GRIA1: variants seen among roughly 807,000 people sequenced by gnomAD.
GRIA1 encodes the protein glutamate ionotropic receptor AMPA type subunit 1, also known as glutamate receptor 1.
A neutral mutation model predicts 99.2 loss-of-function variants in GRIA1; 31 were observed. The observed-to-expected ratio is 0.31, with a 90% confidence interval of 0.23 to 0.42. The LOEUF is 0.42. Ranked by LOEUF, GRIA1 falls within the 10% of genes least tolerant of loss-of-function variation. GRIA1 has a pLI of 1.00. For missense variants in GRIA1, 782 were observed against 1,157.5 expected, an observed-to-expected ratio of 0.68 and a Z score of 4.71; for synonymous variants, 438 against 432.4, an observed-to-expected ratio of 1.01 and a Z score of -0.16.
At chr5:153,748,105 T>A (rs1762275515) in intron 11 of GRIA1, among the ~76,000 whole-genome samples, 2 of 152,134 alleles carry the variant, frequency 1.3e-5, no homozygotes, top group Non-Finnish European at 2.9e-5. Flanking sequence ...GATAGATAGA[T>A]AATAAATGAA....
intron 2 of GRIA1, among the ~76,000 whole-genome samples, chr5:153,511,665 G>A (rs1273588714): frequency 2.0e-5 from 3 of 152,156 alleles, no homozygotes; most frequent in African/African-American, 7.2e-5. Context: ...AAGGCTGAGA[G>A]CATACACAGG....
intron 2 of GRIA1, among the ~76,000 whole-genome samples, chr5:153,629,003 T>G (rs1752730774): frequency 6.6e-6 from 1 of 152,182 alleles, no homozygotes; most frequent in Non-Finnish European, 1.5e-5. Context: ...GCCAAATCTT[T>G]TGTTTTACCA....
chr5:153,770,123 A>T, intron 12 of GRIA1, 45 bp from the exon 13 acceptor site: 2 of 1,604,518 alleles, frequency 1.2e-6, no homozygotes, highest in South Asian at 1.1e-5. Context: ...CACCGACCCC[A>T]ATTCCAAGCG....
intron 2 of GRIA1, among the ~76,000 whole-genome samples, chr5:153,501,046 T>A (rs1754966928): frequency 1.3e-5 from 2 of 152,200 alleles, no homozygotes; most frequent in Admixed American, 1.3e-4. Context: ...GTTCTCTACC[T>A]TTGGCTAGCA....
At chr5:153,586,307 G>T (rs557776121) in intron 2 of GRIA1, among the ~76,000 whole-genome samples, 1 of 152,292 alleles carries the variant, frequency 6.6e-6, no homozygotes, top group East Asian at 1.9e-4. Flanking sequence ...AAATAACTGT[G>T]GAATGAATTA....
intron 1 of GRIA1, chr5:153,492,126 T>TG: frequency 7.1e-7 from 1 of 1,416,064 alleles, no homozygotes; most frequent in Non-Finnish European, 9.3e-7. Flanking sequence ...TTCGCATTGC[T>TG]GGGAGTTTGT....
chr5:153,578,712 GC>G (rs1457875996), intron 2 of GRIA1, among the ~76,000 whole-genome samples: 2 of 152,170 alleles, frequency 1.3e-5, no homozygotes, highest in African/African-American at 4.8e-5. Flanking sequence ...TTCGAGACCA[GC>G]CTGGCCAGCA....
chr5:153,687,925 T>C (rs950272266), intron 8 of GRIA1, among the ~76,000 whole-genome samples: 7 of 152,266 alleles, frequency 4.6e-5, no homozygotes, highest in Non-Finnish European at 8.8e-5. Flanking sequence ...GAAGTCTGAC[T>C]TGAGTTTCAC....
chr5:153,755,866 G>A (rs1490712728), intron 11 of GRIA1, among the ~76,000 whole-genome samples: 1 of 152,142 alleles, frequency 6.6e-6, no homozygotes, highest in African/African-American at 2.4e-5. Flanking sequence ...TAAGAGTGTA[G>A]AACAGCACCC....
At chr5:153,675,438 T>C (rs995189567) in intron 6 of GRIA1, among the ~76,000 whole-genome samples, 1 of 152,188 alleles carries the variant, frequency 6.6e-6, no homozygotes, top group African/African-American at 2.4e-5. Flanking sequence ...GCCACCAAAA[T>C]CTATTTTGTT....
intron 12 of GRIA1, among the ~76,000 whole-genome samples, chr5:153,765,006 T>C (rs994684191): frequency 1.3e-5 from 2 of 152,166 alleles, no homozygotes; most frequent in East Asian, 3.8e-4. Context: ...ATGCTCTTTG[T>C]GTCCCCTCCT....
At chr5:153,652,553 T>A (rs1754652337) in intron 4 of GRIA1, among the ~76,000 whole-genome samples, 1 of 152,238 alleles carries the variant, frequency 6.6e-6, no homozygotes, top group Non-Finnish European at 1.5e-5. Flanking sequence ...GCCTAGCTTC[T>A]TAAAAATGCA....
intron 11 of GRIA1, among the ~76,000 whole-genome samples, chr5:153,724,480 A>C (rs1760345614): frequency 1.3e-5 from 2 of 152,214 alleles, no homozygotes; most frequent in South Asian, 4.1e-4. Flanking sequence ...ACCAAAGGCA[A>C]AGAAGTTGAA....
At chr5:153,781,124 A>C (rs1203497885) in intron 13 of GRIA1, among the ~76,000 whole-genome samples, 1 of 152,166 alleles carries the variant, frequency 6.6e-6, no homozygotes, top group Non-Finnish European at 1.5e-5. Flanking sequence ...ATATCTAATC[A>C]GCCTGTTCCT....
At chr5:153,617,717 A>G (rs567289239) in intron 2 of GRIA1, among the ~76,000 whole-genome samples, 11 of 152,210 alleles carry the variant, frequency 7.2e-5, no homozygotes, top group African/African-American at 2.6e-4. Flanking sequence ...CACACCTCTA[A>G]TCTCATATTT....
intron 4 of GRIA1, among the ~76,000 whole-genome samples, chr5:153,653,757 A>G (rs959010875): frequency 6.6e-6 from 1 of 152,198 alleles, no homozygotes; most frequent in Non-Finnish European, 1.5e-5. Flanking sequence ...CACTTGCTCA[A>G]TGCTGTTTCC....
intron 10 of GRIA1, 52 bp downstream of exon 10, chr5:153,699,125 A>C (rs1561779689): frequency 3.0e-6 from 4 of 1,330,576 alleles, no homozygotes; most frequent in Non-Finnish European, 4.3e-6. Context: ...AGGGTTTGAC[A>C]GGAAATCATT....
chr5:153,491,567 T>G (rs1331179971), intron 1 of GRIA1, among the ~76,000 whole-genome samples: 1 of 152,066 alleles, frequency 6.6e-6, no homozygotes, highest in Non-Finnish European at 1.5e-5. Context: ...CTGCCTTCTC[T>G]TTGCTGTCTG....
chr5:153,769,668 T>TC (rs1473517146), intron 12 of GRIA1, among the ~76,000 whole-genome samples: 2 of 151,284 alleles, frequency 1.3e-5, no homozygotes, highest in Admixed American at 1.3e-4. Context: ...TTTTTTGCCA[T>TC]CAAAAGTAAT....
Sources: allele counts gnomAD v4.1 joint callset (sites outside exome capture counted in the v4.1 genomes callset), GRCh38; gene constraint gnomAD v4.1.1; transcripts MANE v1.5; gene names NCBI Gene and HGNC (gene_info 2026-07-23, HGNC 2026-07-21).